The following IGFBP7 variants were observed in gnomAD, a reference collection of about 807,000 sequenced individuals.
IGFBP7 encodes the protein insulin-like growth factor-binding protein 7.
A neutral mutation model predicts 29.4 loss-of-function variants in IGFBP7; 31 were observed. That is an observed-to-expected ratio of 1.05 (90% CI 0.79 to 1.42). IGFBP7 has a LOEUF of 1.42. IGFBP7 is among the 40% of genes most tolerant of loss of function. The probability of loss-of-function intolerance (pLI) is 0.00; values close to 1 mark genes in which losing one functional copy is unlikely to be tolerated. For synonymous variants in IGFBP7, 172 were observed against 174.9 expected (o/e 0.98, Z 0.13); for missense variants, 393 against 395.5 (o/e 0.99, Z 0.05).
intron 1 of IGFBP7, among the ~76,000 whole-genome samples, chr4:57,092,801 C>A (rs778512491): frequency 6.6e-6 from 1 of 150,424 alleles, no homozygotes; most frequent in Non-Finnish European, 1.5e-5. Context: ...GACAGAAAAA[C>A]GAGTAAATTA....
chr4:57,062,185 C>G lies in IGFBP7; in HGVS notation c.476-21252G>C, dbSNP rs112250016. Among the ~76,000 whole-genome samples, 12 of 152,186 alleles carry G rather than the reference C, an allele frequency of 7.9e-5. No individual in the cohort carries two copies. In the South Asian group the frequency reaches 2.5e-3, roughly 32 times the overall value. On this transcript the variant is annotated intron_variant, in intron 1 of 4. Coordinates refer to ENST00000295666, the MANE Select transcript of IGFBP7 (RefSeq NM_001553.3). ...TACCGTGATACCTGTCTACATAATCCGTATGGCTGGAGTGTTGTGTCTCAT... is the reference window on the plus strand; with the variant it reads ...TACCGTGATACCTGTCTACATAATCGGTATGGCTGGAGTGTTGTGTCTCAT...
At chr4:57,100,638 C>T (rs1725875776) in intron 1 of IGFBP7, among the ~76,000 whole-genome samples, 1 of 152,174 alleles carries the variant, frequency 6.6e-6, no homozygotes, top group African/African-American at 2.4e-5. Context: ...CTTGCTCATT[C>T]AACAGAAACA....
chr4:57,098,182 GTGGCTCATAAATC>G (rs1289966400), intron 1 of IGFBP7, among the ~76,000 whole-genome samples: 1 of 152,050 alleles, frequency 6.6e-6, no homozygotes, highest in Non-Finnish European at 1.5e-5. Context: ...AGAACGTCAG[GTGGCTCATAAATC>G]TGGGGACGGA....
intron 1 of IGFBP7, among the ~76,000 whole-genome samples, chr4:57,055,900 G>C (rs893324199): frequency 3.9e-5 from 6 of 152,100 alleles, no homozygotes; most frequent in Admixed American, 3.9e-4. Context: ...TTGAATAAAG[G>C]GATCTCTGTG....
intron 1 of IGFBP7, among the ~76,000 whole-genome samples, chr4:57,056,938 C>T (rs1724688237): frequency 6.6e-6 from 1 of 152,078 alleles, no homozygotes. Flanking sequence ...TTTTATTTCA[C>T]TTGAATTATT....
chr4:57,032,615 G>T, intron 3 of IGFBP7, 63 bp from the exon 4 acceptor site: 1 of 1,285,042 alleles, frequency 7.8e-7, no homozygotes, highest in Non-Finnish European at 1.1e-6. Context: ...AGTGGTTCCA[G>T]TGAGGTCATT....
intron 1 of IGFBP7, among the ~76,000 whole-genome samples, chr4:57,098,084 C>G (rs1725804324): frequency 1.3e-5 from 2 of 152,220 alleles, no homozygotes; most frequent in African/African-American, 4.8e-5. Flanking sequence ...AACAAAAGGG[C>G]TGACCATCTC....
chr4:57,051,402 T>C (rs1442782853), intron 1 of IGFBP7, among the ~76,000 whole-genome samples: 6 of 152,222 alleles, frequency 3.9e-5, no homozygotes, highest in South Asian at 2.1e-4. Context: ...TTAAGCAGCA[T>C]AGGCCAGATT....
At chr4:57,088,503 T>C (rs1322701073) in intron 1 of IGFBP7, among the ~76,000 whole-genome samples, 1 of 152,052 alleles carries the variant, frequency 6.6e-6, no homozygotes, top group Admixed American at 6.6e-5. Context: ...TCTCTAGTTA[T>C]CCCTCCAGAA....
In IGFBP7 at chr4:57,031,122, T is replaced by G. The variant is rs1723908018; in HGVS notation, c.*195A>C. On this transcript the variant is annotated 3_prime_UTR_variant, in exon 5 of 5. Transcript: ENST00000295666. Reference sequence around the variant, plus strand: ...ATTTGTTTAATGATATGCATGCTTTTCTTCTGTAAATATATAATAAATTTT... The same window carrying G: ...ATTTGTTTAATGATATGCATGCTTTGCTTCTGTAAATATATAATAAATTTT... The G allele has an allele frequency of 1.4e-6, 1 of 713,602 alleles. No individual in the cohort carries two copies. Among genetic ancestry groups the G allele is most frequent in the African/African-American group, 1.8e-5 (1 of 55,552 alleles). The allele number at this position is 713,602 out of a possible 1,614,324, so 44.2% of individuals were successfully genotyped here.
chr4:57,057,494 A>G (rs1173512678), intron 1 of IGFBP7, among the ~76,000 whole-genome samples: 1 of 152,208 alleles, frequency 6.6e-6, no homozygotes, highest in Non-Finnish European at 1.5e-5. Context: ...AAATGAAAAT[A>G]ATTTCCTCAT....
chr4:57,089,583 CT>C (rs1393783944), intron 1 of IGFBP7, among the ~76,000 whole-genome samples: 1 of 152,210 alleles, frequency 6.6e-6, no homozygotes, highest in Non-Finnish European at 1.5e-5. Context: ...TCTGTGGTCT[CT>C]AAAACACTAA....
intron 1 of IGFBP7, among the ~76,000 whole-genome samples, chr4:57,086,820 G>A (rs375984207): frequency 1.8e-4 from 28 of 152,102 alleles, no homozygotes; most frequent in African/African-American, 6.3e-4. Context: ...TGCAACCTCC[G>A]CCTCCCAAGT....
At chr4:57,094,358 T>C (rs1402704307) in intron 1 of IGFBP7, among the ~76,000 whole-genome samples, 1 of 151,830 alleles carries the variant, frequency 6.6e-6, no homozygotes, top group East Asian at 1.9e-4. Flanking sequence ...ATGACAGGCG[T>C]GGTTGTGGGG....
At position 57,059,862 on chromosome 4, in the gene IGFBP7, T is replaced by C. The variant is rs573912875; in HGVS notation, c.476-18929A>G. Among the ~76,000 whole-genome samples the C allele has an allele frequency of 6.6e-5, 10 of 152,356 alleles. No individual in the cohort carries two copies. The South Asian group carries it at 2.1e-3, about 32-fold the overall frequency. On this transcript the variant is annotated intron_variant, in intron 1 of 4. Coordinates refer to ENST00000295666, the MANE Select transcript of IGFBP7 (RefSeq NM_001553.3). The stretch of plus-strand genomic sequence containing the variant: ...AGCACTAACTTGTACTACTGCTTCG[T>C]TGAATTAATTCCTTAAGGGGAAATT...
intron 1 of IGFBP7, among the ~76,000 whole-genome samples, chr4:57,042,840 A>T (rs1234657438): frequency 6.6e-6 from 1 of 152,216 alleles, no homozygotes; most frequent in African/African-American, 2.4e-5. Flanking sequence ...CTGGCCTTTT[A>T]TAAAGAAATT....
chr4:57,069,846 G>T (rs1485710476), intron 1 of IGFBP7, among the ~76,000 whole-genome samples: 1 of 152,196 alleles, frequency 6.6e-6, no homozygotes, highest in Admixed American at 6.5e-5. Context: ...ACTTTGGGAG[G>T]CCGAGGCAGG....
chr4:57,088,757 G>A (rs1462568847), intron 1 of IGFBP7, among the ~76,000 whole-genome samples: 4 of 152,102 alleles, frequency 2.6e-5, no homozygotes, highest in East Asian at 1.9e-4. Context: ...GGCTGGGCAC[G>A]GTGGCTCACG....
At chr4:57,091,190 A>C (rs1010344358) in intron 1 of IGFBP7, among the ~76,000 whole-genome samples, 8 of 152,250 alleles carry the variant, frequency 5.3e-5, no homozygotes, top group Middle Eastern at 3.2e-3. Flanking sequence ...AAGCATATGC[A>C]CTTCCACATA....
Sources: allele counts gnomAD v4.1 joint callset (sites outside exome capture counted in the v4.1 genomes callset), GRCh38; gene constraint gnomAD v4.1.1; transcripts MANE v1.5; gene names NCBI Gene and HGNC (gene_info 2026-07-23, HGNC 2026-07-21).